The following PHYHD1 variants were observed in gnomAD, a reference collection of about 807,000 sequenced individuals.
The protein encoded by PHYHD1 is phytanoyl-CoA dioxygenase domain containing 1.
A neutral mutation model predicts 43.6 loss-of-function variants in PHYHD1; 42 were observed. That is an observed-to-expected ratio of 0.96 (90% CI 0.75 to 1.25). The LOEUF is 1.25. Ranked by LOEUF, PHYHD1 falls within the 50% of genes most tolerant of loss-of-function variation. PHYHD1 has a pLI of 0.00. For missense variants in PHYHD1, 342 were observed against 370.8 expected (o/e 0.92, Z 0.64); for synonymous variants, 139 against 143.6 (o/e 0.97, Z 0.23).
chr9:128,940,439 A>C lies in PHYHD1; in HGVS notation c.528A>C (p.Ala176=), dbSNP rs1395432960. The C allele has an allele frequency of 9.9e-6, 16 of 1,613,400 alleles. No individual in the cohort carries two copies. The highest frequency in any genetic ancestry group is 1.4e-5 in the Non-Finnish European group (16 of 1,179,780). ...PLGRVLGVWI[A]VEDATLENGC... ...GCCGGGTGCTGGGCGTGTGGATCGC[A>C]GTGGAGGATGCCACGCTGGAGAACG... The change falls in exon 10 of 13, where the codon GCA becomes GCC. Residue 176 remains alanine (A), a synonymous_variant. Transcript: ENST00000372592.
Position 128,941,464 on chromosome 9 carries a change from T to C in PHYHD1, c.723T>C (p.His241=), listed in dbSNP as rs757064023. ...PVQRGALVLI[H]GEVVHKSKQN... is the part of the protein sequence containing the mutation. ...TGCCAGGGGCCCTGGTCCTCATCCATGGAGAAGTGGTACACAAGAGCAAGC... is the reference window on the plus strand; with the variant it reads ...TGCCAGGGGCCCTGGTCCTCATCCACGGAGAAGTGGTACACAAGAGCAAGC... Residue 241 remains histidine, a synonymous_variant, in exon 12 of 13, where the codon CAT becomes CAC. Transcript: ENST00000372592. 3 of 1,613,744 alleles carry C rather than the reference T, an allele frequency of 1.9e-6. No individual in the cohort carries two copies. The highest frequency in any genetic ancestry group is 2.5e-6 in the Non-Finnish European group (3 of 1,179,986).
chr9:128,922,826 T>C (rs1841035052), intron 3 of PHYHD1, among the ~76,000 whole-genome samples: 1 of 152,238 alleles, frequency 6.6e-6, no homozygotes, highest in Admixed American at 6.5e-5. Flanking sequence ...AGAAGCTTTG[T>C]TTCAAAGTCT....
chr9:128,935,728 AC>A (rs1272978472), intron 6 of PHYHD1, among the ~76,000 whole-genome samples: 1 of 151,890 alleles, frequency 6.6e-6, no homozygotes, highest in Non-Finnish European at 1.5e-5. Flanking sequence ...ATGGTGAAAA[AC>A]CATTTCTACT....
chr9:128,927,855 C>T (rs1364431372), intron 4 of PHYHD1, among the ~76,000 whole-genome samples: 1 of 152,248 alleles, frequency 6.6e-6, no homozygotes, highest in Non-Finnish European at 1.5e-5. Flanking sequence ...GGCCAGCCAC[C>T]TGGAATGAGC....
At position 128,922,280 on chromosome 9, in the gene PHYHD1, C is replaced by T. The variant is rs1336055311; in HGVS notation, c.-41-3C>T. On this transcript the variant is annotated splice_region_variant and splice_polypyrimidine_tract_variant and intron_variant, in intron 2 of 12. Transcript: ENST00000372592. The stretch of plus-strand genomic sequence containing the variant: ...GGCTCCTAAACTTTCTCCTCCCCAC[C>T]AGGAGGCCGCGCTTAGAAGCCGCCC... 5.4e-5 allele frequency: 84 copies of T among 1,549,354 alleles called. No individual in the cohort carries two copies. Among genetic ancestry groups the T allele is most frequent in the Non-Finnish European group, 7.1e-5 (81 of 1,146,422 alleles).
intron 6 of PHYHD1, among the ~76,000 whole-genome samples, chr9:128,934,294 CAGG>C (rs1841369786): frequency 6.6e-6 from 1 of 151,528 alleles, no homozygotes; most frequent in Non-Finnish European, 1.5e-5. Context: ...GAGGCTGAGG[CAGG>C]AGAATTGCTT....
chr9:128,921,739 T>C (rs77083432), intron 1 of PHYHD1, 71 bp downstream of exon 1: 1 of 152,412 alleles, frequency 6.6e-6, no homozygotes, highest in Non-Finnish European at 1.5e-5. Context: ...TCTCCTACTT[T>C]CGTCTGAGCT....
rs567891106 is a variant in PHYHD1 at position 128,940,602 on chromosome 9, G to A, written c.590G>A (p.Gly197Asp). The A allele has an allele frequency of 5.9e-5, 96 of 1,614,140 alleles. No individual in the cohort carries two copies. In the South Asian group the frequency reaches 1.0e-3, roughly 17 times the overall value. The change falls in exon 11 of 13, where the codon GGT becomes GAT. Residue 197 changes from glycine (G) to aspartate (D), a missense_variant. Physicochemically the swap from Gly to Asp is moderately conservative, Grantham distance 94. Coordinates refer to ENST00000372592, the MANE Select transcript of PHYHD1 (RefSeq NM_001100876.2). ...GGCTCTCCATCTTGGCCTGCAGGTG[G>A]TGTGTCAAGAAGGATGGTCCGGGCC... ...LWFIPGSHTS[G>D]VSRRMVRAPV...
In PHYHD1 at chr9:128,940,590, G is replaced by T; in HGVS notation, c.587-9G>T. 1 of 1,614,090 alleles carries T rather than the reference G, an allele frequency of 6.2e-7. No homozygotes were observed. Among genetic ancestry groups the T allele is most frequent in the Non-Finnish European group, 8.5e-7 (1 of 1,179,978 alleles). On this transcript the variant is annotated splice_polypyrimidine_tract_variant and intron_variant, in intron 10 of 12. Transcript: ENST00000372592. ...GGAGGAGTTTAAGGCTCTCCATCTT[G>T]GCCTGCAGGTGGTGTGTCAAGAAGG...
chr9:128,931,317 G>A (rs1340137037), intron 4 of PHYHD1, among the ~76,000 whole-genome samples: 1 of 151,830 alleles, frequency 6.6e-6, no homozygotes, highest in Non-Finnish European at 1.5e-5. Context: ...TCACCATGTT[G>A]GCCAGGCTGT....
At position 128,940,401 on chromosome 9, in the gene PHYHD1, A is replaced by C. The variant is rs1841526864; in HGVS notation, c.490A>C (p.Thr164Pro). Reference sequence around the variant, plus strand: ...TCATCAGGACGCCTCCTTCCTGTACACGGAGCCCCTGGGCCGGGTGCTGGG... The same window carrying C: ...TCATCAGGACGCCTCCTTCCTGTACCCGGAGCCCCTGGGCCGGGTGCTGGG... ...SPHQDASFLY[T>P]EPLGRVLGVW... The change falls in exon 10 of 13, where the codon ACG (threonine) becomes CCG (proline). Residue 164 changes from threonine (T) to proline (P), a missense_variant. Thr to Pro is a conservative substitution (Grantham distance 38). Transcript: ENST00000372592. 1 of 1,614,158 alleles carries C rather than the reference A, an allele frequency of 6.2e-7. No homozygotes were observed. Among genetic ancestry groups the C allele is most frequent in the Non-Finnish European group, 8.5e-7 (1 of 1,180,032 alleles).
chr9:128,927,227 G>A, intron 4 of PHYHD1, 31 bp downstream of exon 4: 4 of 1,611,860 alleles, frequency 2.5e-6, no homozygotes, highest in Non-Finnish European at 3.4e-6. Flanking sequence ...AGGATGGGAT[G>A]TGGCTTTTGA....
At chr9:128,931,649 G>A (rs971867716) in intron 4 of PHYHD1, among the ~76,000 whole-genome samples, 1 of 151,422 alleles carries the variant, frequency 6.6e-6, no homozygotes, top group South Asian at 2.1e-4. Context: ...CTCAGCCTCT[G>A]GAGTAGCTGA....
At chr9:128,937,808 G>A (rs1841462788) in intron 9 of PHYHD1, 30 bp downstream of exon 9, 4 of 1,613,878 alleles carry the variant, frequency 2.5e-6, no homozygotes, top group Non-Finnish European at 3.4e-6. Context: ...CCCCTGAAAA[G>A]GCCATGGGTG....
At position 128,932,808 on chromosome 9, in the gene PHYHD1, C is replaced by A. The variant is rs1425973611; in HGVS notation, c.193-974C>A. Among the ~76,000 whole-genome samples, 4 of 144,008 alleles carry A rather than the reference C, an allele frequency of 2.8e-5. No individual in the cohort carries two copies. The South Asian group carries it at 8.9e-4, about 32-fold the overall frequency. The allele number at this position is 144,008 out of a possible 152,430, so 94.5% of individuals were successfully genotyped here. A position where few individuals can be genotyped will look rare whatever the true frequency, so the allele number is the denominator to read the frequency against. ...AGCCACAGTGCCTGGTTGGTCAGTT[C>A]TATTATTATTCCTTATTTATTTATT... On this transcript the variant is annotated intron_variant, in intron 4 of 12. Transcript: ENST00000372592.
chr9:128,932,168 TG>T (rs1192172173), intron 4 of PHYHD1, among the ~76,000 whole-genome samples: 56 of 122,776 alleles, frequency 4.6e-4, no homozygotes, highest in African/African-American at 1.5e-3. Flanking sequence ...TTATTATTAT[TG>T]TTATTATTAT....
In PHYHD1 at chr9:128,933,615, T is replaced by G. The variant is rs898464224; in HGVS notation, c.193-167T>G. ...ATCTTTGGGGTGTGCTTCCAGGCAC[T>G]TGAAGTTCTGGCTCACTGTCTGTGC... On this transcript the variant is annotated intron_variant, in intron 4 of 12. Coordinates refer to ENST00000372592, the MANE Select transcript of PHYHD1 (RefSeq NM_001100876.2). 1.1e-5 allele frequency: 8 copies of G among 749,736 alleles called. No homozygotes were observed. The African/African-American group carries it at 1.4e-4, about 13-fold the overall frequency. The allele number at this position is 749,736 out of a possible 1,614,324, so 46.4% of individuals were successfully genotyped here.
chr9:128,925,047 T>G (rs1841101422), intron 3 of PHYHD1, among the ~76,000 whole-genome samples: 1 of 152,206 alleles, frequency 6.6e-6, no homozygotes, highest in Non-Finnish European at 1.5e-5. Flanking sequence ...GAGGCAATTT[T>G]CAGCTTGATA....
chr9:128,939,840 A>G (rs1841512838), intron 9 of PHYHD1, among the ~76,000 whole-genome samples: 1 of 133,620 alleles, frequency 7.5e-6, no homozygotes, highest in Non-Finnish European at 1.7e-5. Context: ...TTTTTAGTAG[A>G]GACAGGGTTT....
Sources: gnomAD v4.1 joint callset for allele counts (sites outside exome capture counted in the v4.1 genomes callset) on GRCh38, gnomAD v4.1.1 for gene constraint, MANE v1.5 for transcripts, NCBI Gene and HGNC (gene_info 2026-07-23, HGNC 2026-07-21) for gene names.